The following ADSL variants were observed in gnomAD, a reference collection of about 807,000 sequenced individuals.
The protein encoded by ADSL is adenylosuccinase.
ADSL carries 44 observed loss-of-function variants against 62.1 expected under a neutral mutation model. That is an observed-to-expected ratio of 0.71 (90% CI 0.56 to 0.91). ADSL has a LOEUF of 0.91. Ranked by LOEUF, ADSL falls within the 40% of genes least tolerant of loss-of-function variation. The pLI is 0.00. For missense variants in ADSL, 531 were observed against 627.4 expected (o/e 0.85, Z 1.64); for synonymous variants, 198 against 220.5 (o/e 0.90, Z 0.90).
intron 2 of ADSL, among the ~76,000 whole-genome samples, chr22:40,384,155 G>T (rs2048046186): frequency 6.6e-6 from 1 of 151,756 alleles, no homozygotes; most frequent in Non-Finnish European, 1.5e-5. Context: ...GAGGAGAGAT[G>T]ATTGCTTGAG....
downstream of ADSL, chr22:40,369,470 A>AT (rs2045126289): frequency 6.8e-6 from 1 of 148,140 alleles, no homozygotes; most frequent in Non-Finnish European, 1.5e-5. Flanking sequence ...ATATACATTC[A>AT]TATATATTAT....
intron 7 of ADSL, 75 bp from the exon 8 acceptor site, chr22:40,361,198 C>A: frequency 7.1e-7 from 1 of 1,401,352 alleles, no homozygotes; most frequent in Non-Finnish European, 1.0e-6. Flanking sequence ...TCTCCTTCAT[C>A]AGCCTAGTCA....
intron 1 of ADSL, chr22:40,348,682 A>G: frequency 5.0e-6 from 2 of 398,426 alleles, no homozygotes. Context: ...TTTTACTTAT[A>G]AATATTTTCC....
At chr22:40,356,717 C>T (rs1374840747) in intron 4 of ADSL, among the ~76,000 whole-genome samples, 1 of 151,674 alleles carries the variant, frequency 6.6e-6, no homozygotes, top group Non-Finnish European at 1.5e-5. Flanking sequence ...GTGGCTTGTG[C>T]CTGTAGTTCC....
At chr22:40,374,335 C>T (rs1318865502), downstream of ADSL, among the ~76,000 whole-genome samples, 3 of 152,144 alleles carry the variant, frequency 2.0e-5, no homozygotes, top group African/African-American at 7.2e-5. Context: ...AGAGAGAAAG[C>T]TTAAATTGGT....
chr22:40,361,241 T>TG (rs768933654), intron 7 of ADSL, 32 bp from the exon 8 acceptor site: 3 of 1,600,276 alleles, frequency 1.9e-6, no homozygotes, highest in African/African-American at 2.7e-5. Context: ...ACTGACAGTG[T>TG]GGGGTGATGC....
chr22:40,346,510 T>C lies in ADSL; in HGVS notation c.-49T>C, dbSNP rs1272053459. On this transcript the variant is annotated 5_prime_UTR_variant, in exon 1 of 13. Transcript: ENST00000623063. The stretch of plus-strand genomic sequence containing the variant: ...CCTGCCCTGGCCTCCAGGTTTCCGC[T>C]TCCGCTCTTCCCTGGTCCAGTCCAC... 7.7e-6 allele frequency: 12 copies of C among 1,565,074 alleles called. No individual in the cohort carries two copies. Among genetic ancestry groups the C allele is most frequent in the Non-Finnish European group, 8.6e-6 (10 of 1,159,270 alleles).
intron 8 of ADSL, 66 bp downstream of exon 8, chr22:40,361,408 G>A: frequency 1.2e-6 from 2 of 1,612,306 alleles, no homozygotes; most frequent in East Asian, 2.2e-5. Context: ...GGGGCTGAGA[G>A]CTCATTCAGC....
At chr22:40,383,283 C>T (rs762888626) in intron 2 of ADSL, among the ~76,000 whole-genome samples, 3 of 151,812 alleles carry the variant, frequency 2.0e-5, no homozygotes, top group Non-Finnish European at 2.9e-5. Context: ...CTGGCCAACA[C>T]GGTGAAACCC....
intron 2 of ADSL, among the ~76,000 whole-genome samples, chr22:40,352,760 A>G (rs1021245451): frequency 2.0e-5 from 3 of 152,172 alleles, no homozygotes; most frequent in Admixed American, 6.6e-5. Flanking sequence ...CAGCCTCCCA[A>G]AATCCTGAGA....
intron 1 of ADSL, among the ~76,000 whole-genome samples, chr22:40,347,141 C>G (rs2044173780): frequency 6.6e-6 from 1 of 152,304 alleles, no homozygotes; most frequent in South Asian, 2.1e-4. Context: ...AGAACAAAGC[C>G]CGGACAGCTT....
chr22:40,366,414 T>C, intron 12 of ADSL, 22 bp from the exon 13 acceptor site: 1 of 1,533,776 alleles, frequency 6.5e-7, no homozygotes, highest in Non-Finnish European at 9.0e-7. Context: ...TCTTTTGTCT[T>C]GTATTTGCTT....
intron 1 of ADSL, 77 bp downstream of exon 1, chr22:40,346,788 T>A: frequency 2.0e-6 from 3 of 1,473,618 alleles, no homozygotes. Context: ...TGTTCCGGGC[T>A]GGGCTTAGCC....
In ADSL at chr22:40,359,383, C is replaced by G. The variant is rs916006424; in HGVS notation, c.701+77C>G. ...TATTCAGTATACCTGCAGATTTGAC[C>G]TTACAATTTTTGCCTTTTTCTTCCT... On this transcript the variant is annotated intron_variant, in intron 6 of 12. Transcript: ENST00000623063. 9.4e-6 allele frequency: 14 copies of G among 1,496,776 alleles called. No individual in the cohort carries two copies. The African/African-American group carries it at 1.7e-4, about 18-fold the overall frequency. The allele number at this position is 1,496,776 out of a possible 1,614,324, so 92.7% of individuals were successfully genotyped here. A position where few individuals can be genotyped will look rare whatever the true frequency, so the allele number is the denominator to read the frequency against.
chr22:40,363,946 G>A (rs1024279034), intron 10 of ADSL, among the ~76,000 whole-genome samples: 3 of 151,976 alleles, frequency 2.0e-5, no homozygotes, highest in East Asian at 1.9e-4. Flanking sequence ...ACGTGGTGGC[G>A]GGCGCCTGTA....
rs2045022343 is a variant in ADSL at position 40,366,844 on chromosome 22, G to A, written c.*322G>A. The A allele has an allele frequency of 8.7e-6, 3 of 343,694 alleles. No individual in the cohort carries two copies. Among genetic ancestry groups the A allele is most frequent in the South Asian group, 7.6e-5 (3 of 39,604 alleles). The allele number at this position is 343,694 out of a possible 1,614,324, so 21.3% of individuals were successfully genotyped here. A position where few individuals can be genotyped will look rare whatever the true frequency, so the allele number is the denominator to read the frequency against. On this transcript the variant is annotated 3_prime_UTR_variant, in exon 13 of 13. Transcript: ENST00000623063. ...AAAGTAGCAAGAAATTTCTGGTCCT[G>A]TCTTCTAAAAGTGAATTTGATCTAG...
chr22:40,359,524 T>G (rs942181837), intron 6 of ADSL, among the ~76,000 whole-genome samples: 9 of 149,746 alleles, frequency 6.0e-5, no homozygotes, highest in African/African-American at 2.0e-4. Context: ...TGACATATTT[T>G]CTGGATTTCA....
downstream of ADSL, among the ~76,000 whole-genome samples, chr22:40,370,066 G>A (rs1294957538): frequency 6.6e-6 from 1 of 152,262 alleles, no homozygotes; most frequent in East Asian, 1.9e-4. Flanking sequence ...CCGGCCTGGC[G>A]CGGTGGCTCA....
At chr22:40,361,050 C>T in intron 7 of ADSL, 2 of 623,580 alleles carry the variant, frequency 3.2e-6, no homozygotes, top group Admixed American at 4.8e-5. Context: ...CAGTGTTTCA[C>T]AAAAGCGTTT....
Sources: allele counts gnomAD v4.1 joint callset (sites outside exome capture counted in the v4.1 genomes callset), GRCh38; gene constraint gnomAD v4.1.1; transcripts MANE v1.5; gene names NCBI Gene and HGNC (gene_info 2026-07-23, HGNC 2026-07-21).